Variants in MAST4 observed in about 807,000 individuals in gnomAD.
The protein encoded by MAST4 is microtubule-associated serine/threonine-protein kinase 4.
MAST4 carries 89 observed loss-of-function variants against 162.7 expected under a neutral mutation model. That is an observed-to-expected ratio of 0.55 (90% CI 0.46 to 0.65). The LOEUF (loss-of-function observed/expected upper bound fraction) is 0.65. MAST4 is among the 30% of genes least tolerant of loss of function. The pLI, the probability that MAST4 is intolerant of heterozygous loss-of-function variation, is 0.00. For synonymous variants in MAST4, 1,479 were observed against 1,361.1 expected (o/e 1.09, Z -1.91); for missense variants, 3,153 against 3,374.0 (o/e 0.93, Z 1.62).
At chr5:66,779,768 A>G (rs1037102473) in intron 2 of MAST4, among the ~76,000 whole-genome samples, 1 of 152,138 alleles carries the variant, frequency 6.6e-6, no homozygotes, top group African/African-American at 2.4e-5. Flanking sequence ...ATGGTGACGG[A>G]ATTAGGGTGA....
chr5:67,056,186 A>G (rs1332081094), intron 5 of MAST4, among the ~76,000 whole-genome samples: 1 of 152,084 alleles, frequency 6.6e-6, no homozygotes. Context: ...GGATATAATT[A>G]GGGAGCGGGT....
At chr5:66,812,781 G>A (rs1039662487) in intron 3 of MAST4, among the ~76,000 whole-genome samples, 2 of 152,110 alleles carry the variant, frequency 1.3e-5, no homozygotes, top group East Asian at 1.9e-4. Flanking sequence ...GTGGGTTTTG[G>A]GAGCTGGTGC....
intron 3 of MAST4, among the ~76,000 whole-genome samples, chr5:66,877,018 A>G (rs970040519): frequency 3.9e-5 from 6 of 152,234 alleles, no homozygotes; most frequent in African/African-American, 1.2e-4. Context: ...TCATAGGAGC[A>G]TGTGCAAATA....
chr5:66,834,379 G>C (rs1446794325), intron 3 of MAST4, among the ~76,000 whole-genome samples: 1 of 152,106 alleles, frequency 6.6e-6, no homozygotes, highest in African/African-American at 2.4e-5. Context: ...ATATCTGCAG[G>C]GAGGTACCAG....
chr5:67,020,847 T>C (rs1317345193), intron 4 of MAST4, among the ~76,000 whole-genome samples: 2 of 152,170 alleles, frequency 1.3e-5, no homozygotes, highest in African/African-American at 4.8e-5. Flanking sequence ...GCAGGCCCAA[T>C]CTGGCCACTG....
chr5:66,856,215 A>ACAC (rs1759674252), intron 3 of MAST4, among the ~76,000 whole-genome samples: 2 of 152,146 alleles, frequency 1.3e-5, no homozygotes, highest in Non-Finnish European at 2.9e-5. Context: ...GGTTAGTCTG[A>ACAC]GCTTGCACTG....
intron 13 of MAST4, among the ~76,000 whole-genome samples, chr5:67,120,788 C>G (rs929439800): frequency 1.3e-5 from 2 of 152,120 alleles, no homozygotes; most frequent in Admixed American, 6.6e-5. Flanking sequence ...CAGGAATTGT[C>G]CTTGATTGCC....
chr5:67,052,786 T>G (rs1020197741), intron 4 of MAST4, among the ~76,000 whole-genome samples: 1 of 152,176 alleles, frequency 6.6e-6, no homozygotes, highest in Admixed American at 6.5e-5. Flanking sequence ...CTTCAGTTAA[T>G]TTGCTGAAAG....
intron 1 of MAST4, among the ~76,000 whole-genome samples, chr5:66,633,741 TA>T (rs1368303611): frequency 6.6e-6 from 1 of 152,232 alleles, no homozygotes; most frequent in Non-Finnish European, 1.5e-5. Flanking sequence ...TTGCTCAATT[TA>T]TTTTTTTAAA....
At chr5:66,628,007 A>T (rs1744549425) in intron 1 of MAST4, among the ~76,000 whole-genome samples, 1 of 151,888 alleles carries the variant, frequency 6.6e-6, no homozygotes, top group South Asian at 2.1e-4. Context: ...AAAATTTTTT[A>T]AAATTGATTT....
chr5:66,596,897 G>T lies in MAST4; in HGVS notation c.242G>T (p.Trp81Leu). The stretch of plus-strand genomic sequence containing the variant: ...CTGGGCGCCCGGGCGCCCGCCGCGT[G>T]GGCTCCGGCAAGCGTGCTGCTGGAG... ...GTLGARAPAAWAPASVLLERG... is the reference protein window; with the variant it reads ...GTLGARAPAALAPASVLLERG... The change falls in exon 1 of 29, where the codon TGG (tryptophan) becomes TTG (leucine). Residue 81 changes from tryptophan to leucine, a missense_variant. By Grantham distance (61) the Trp-to-Leu change is moderately conservative (BLOSUM62 -2). This residue lies in a region of MAST4 where 327 missense variants were observed against 336.5 expected (regional missense o/e 0.97). Coordinates refer to ENST00000403625, the MANE Select transcript of MAST4 (RefSeq NM_001164664.2). The T allele has an allele frequency of 1.6e-6, 2 of 1,283,316 alleles. No individual in the cohort carries two copies. Among genetic ancestry groups the T allele is most frequent in the Non-Finnish European group, 2.0e-6 (2 of 1,013,058 alleles). The allele number at this position is 1,283,316 out of a possible 1,614,324, so 79.5% of individuals were successfully genotyped here.
At chr5:66,849,591 C>T (rs1262181292) in intron 3 of MAST4, among the ~76,000 whole-genome samples, 1 of 151,910 alleles carries the variant, frequency 6.6e-6, no homozygotes, top group South Asian at 2.1e-4. Flanking sequence ...CAGGGCAAGG[C>T]GTTCCTTCTG....
chr5:66,632,050 A>G (rs909834468), intron 1 of MAST4, among the ~76,000 whole-genome samples: 1 of 152,140 alleles, frequency 6.6e-6, no homozygotes, highest in East Asian at 1.9e-4. Flanking sequence ...GATATGCTTA[A>G]AATCATAACA....
Position 66,856,352 on chromosome 5 carries a change from G to C in MAST4, c.643-43599G>C, listed in dbSNP as rs566656535. ...CTGCACTTGCAGACAGAGCACTAAG[G>C]CCTGATCCCAGGTAGGACCTTGATG... On this transcript the variant is annotated intron_variant, in intron 3 of 28. Transcript: ENST00000403625. 3.3e-5 allele frequency among the ~76,000 whole-genome samples: 5 copies of C among 152,334 alleles called. No homozygotes were observed. The South Asian group carries it at 1.0e-3, about 32-fold the overall frequency.
chr5:67,141,307 C>T (rs1258368758), intron 19 of MAST4, among the ~76,000 whole-genome samples: 1 of 152,126 alleles, frequency 6.6e-6, no homozygotes, highest in Non-Finnish European at 1.5e-5. Flanking sequence ...TCTTTGTTAT[C>T]TCTCTCTTCA....
intron 1 of MAST4, among the ~76,000 whole-genome samples, chr5:66,737,600 C>T (rs1429068089): frequency 6.6e-6 from 1 of 152,138 alleles, no homozygotes; most frequent in Non-Finnish European, 1.5e-5. Context: ...TCCCTTCTGT[C>T]TTCTACTTCT....
At chr5:66,608,285 A>G (rs568043218) in intron 1 of MAST4, among the ~76,000 whole-genome samples, 2 of 142,418 alleles carry the variant, frequency 1.4e-5, no homozygotes, top group East Asian at 4.3e-4. Context: ...CAAGCTCCTG[A>G]CCTCAGGTGA....
At chr5:66,753,397 C>T (rs1213963539) in intron 1 of MAST4, among the ~76,000 whole-genome samples, 2 of 151,328 alleles carry the variant, frequency 1.3e-5, no homozygotes, top group African/African-American at 4.9e-5. Context: ...AATTGATAGA[C>T]CGCTAGCAAG....
At chr5:66,700,073 T>A (rs2149509400) in intron 1 of MAST4, among the ~76,000 whole-genome samples, 1 of 152,348 alleles carries the variant, frequency 6.6e-6, no homozygotes, top group South Asian at 2.1e-4. Context: ...TGCAGCCCAG[T>A]GTCTTCTGCT....
Sources: allele counts gnomAD v4.1 joint callset (sites outside exome capture counted in the v4.1 genomes callset), GRCh38; gene constraint gnomAD v4.1.1; regional missense constraint gnomAD v4.1.1; transcripts MANE v1.5; gene names NCBI Gene and HGNC (gene_info 2026-07-23, HGNC 2026-07-21).